The following ADGB variants were observed in gnomAD, a reference collection of about 807,000 sequenced individuals.
ADGB encodes the protein androglobin, also known as calpain-7-like protein.
ADGB carries 172 observed loss-of-function variants against 210.5 expected under a neutral mutation model. The observed-to-expected ratio is 0.82, with a 90% CI of 0.72 to 0.93. ADGB has a LOEUF of 0.93. ADGB is among the 40% of genes least tolerant of loss of function. The pLI is 0.00. For missense variants in ADGB, 2,025 were observed against 1,964.8 expected, an observed-to-expected ratio of 1.03 and a Z score of -0.58; for synonymous variants, 658 against 662.7, an observed-to-expected ratio of 0.99 and a Z score of 0.11.
chr6:146,634,494 T>C (rs772980912), intron 1 of ADGB, among the ~76,000 whole-genome samples: 1 of 152,084 alleles, frequency 6.6e-6, no homozygotes, highest in Non-Finnish European at 1.5e-5. Context: ...TCACAAGGCG[T>C]TAAAAACTTG....
At chr6:146,780,240 A>G (rs1225076262) in intron 29 of ADGB, among the ~76,000 whole-genome samples, 1 of 152,166 alleles carries the variant, frequency 6.6e-6, no homozygotes, top group Non-Finnish European at 1.5e-5. Context: ...ATCTATACAA[A>G]CAAATAAAAA....
intron 11 of ADGB, among the ~76,000 whole-genome samples, chr6:146,692,422 T>C (rs1380358000): frequency 6.6e-6 from 1 of 152,188 alleles, no homozygotes; most frequent in Non-Finnish European, 1.5e-5. Context: ...TATTCATATG[T>C]TAGTTCACAT....
Position 146,736,491 on chromosome 6 carries a change from T to C in ADGB, c.2795-7T>C. The C allele has an allele frequency of 6.7e-7, 1 of 1,500,434 alleles. No homozygotes were observed. The highest frequency in any genetic ancestry group is 9.0e-7 in the Non-Finnish European group (1 of 1,115,476). The allele number at this position is 1,500,434 out of a possible 1,614,324, so 92.9% of individuals were successfully genotyped here. On this transcript the variant is annotated splice_polypyrimidine_tract_variant and splice_region_variant and intron_variant, in intron 22 of 35. Coordinates refer to ENST00000397944, the MANE Select transcript of ADGB (RefSeq NM_024694.4). ...TTAACGTTTTTATTATTTATTATTA[T>C]TTTTAGACACAAAAGAAAATATCAG...
At chr6:146,664,369 A>G in intron 6 of ADGB, 29 bp downstream of exon 6, 1 of 1,515,454 alleles carries the variant, frequency 6.6e-7, no homozygotes, top group Non-Finnish European at 8.8e-7. Context: ...ACTCACATGA[A>G]TAAAAAAAGC....
Position 146,763,432 on chromosome 6 carries a change from T to C in ADGB, c.3551-469T>C, listed in dbSNP as rs558529143. ...CAGCAGTACTTATATGATCTGTTAATTAGAAAATAATTGAAAATAAAAATT... is the reference window on the plus strand; with the variant it reads ...CAGCAGTACTTATATGATCTGTTAACTAGAAAATAATTGAAAATAAAAATT... On this transcript the variant is annotated intron_variant, in intron 27 of 35. Transcript: ENST00000397944. Among the ~76,000 whole-genome samples, 14 of 152,328 alleles carry C rather than the reference T, an allele frequency of 9.2e-5. No individual in the cohort carries two copies. The East Asian group carries it at 2.7e-3, about 29-fold the overall frequency.
chr6:146,712,154 T>C (rs530589800), intron 13 of ADGB, among the ~76,000 whole-genome samples: 17 of 151,834 alleles, frequency 1.1e-4, no homozygotes, highest in African/African-American at 3.9e-4. Flanking sequence ...GAAATTTCAT[T>C]ATCATTGGCC....
chr6:146,650,348 C>A (rs1359231815), intron 3 of ADGB, among the ~76,000 whole-genome samples: 1 of 151,842 alleles, frequency 6.6e-6, no homozygotes, highest in Admixed American at 6.6e-5. Flanking sequence ...ACAGCAGATT[C>A]AAAACAGGCA....
intron 13 of ADGB, among the ~76,000 whole-genome samples, chr6:146,706,610 G>T (rs1025716317): frequency 2.0e-5 from 3 of 151,908 alleles, no homozygotes; most frequent in Non-Finnish European, 4.4e-5. Context: ...TATTTTTTAT[G>T]ATTCAGTCTT....
rs1245966818 is a variant in ADGB, at chr6:146,715,421, T to C, written c.1741+6T>C. 8 of 1,494,420 alleles carry C rather than the reference T, an allele frequency of 5.4e-6. No homozygotes were observed. Among genetic ancestry groups the C allele is most frequent in the Non-Finnish European group, 7.1e-6 (8 of 1,121,076 alleles). 92.6% of individuals were successfully genotyped at this position (1,494,420 alleles called of 1,614,324 possible). A position where few individuals can be genotyped will look rare whatever the true frequency, so the allele number is the denominator to read the frequency against. Reference sequence around the variant, plus strand: ...ACAAGTTATACTTGGAAAAGGTAAATTAATAATTTTCCTGTGACTTTTTTC... The same window carrying C: ...ACAAGTTATACTTGGAAAAGGTAAACTAATAATTTTCCTGTGACTTTTTTC... On this transcript the variant is annotated splice_donor_region_variant and intron_variant, in intron 14 of 35. Coordinates refer to ENST00000397944, the MANE Select transcript of ADGB (RefSeq NM_024694.4).
At chr6:146,759,936 T>G (rs1777461611) in intron 27 of ADGB, among the ~76,000 whole-genome samples, 1 of 151,858 alleles carries the variant, frequency 6.6e-6, no homozygotes. Context: ...TTAAGTGCTT[T>G]CCCATTTTTT....
intron 5 of ADGB, among the ~76,000 whole-genome samples, chr6:146,661,860 A>G (rs1263875193): frequency 2.0e-5 from 3 of 151,952 alleles, no homozygotes; most frequent in African/African-American, 4.8e-5. Flanking sequence ...CCTAAAGAAT[A>G]TTTTCCCTAG....
At chr6:146,691,464 A>T (rs1395234527) in intron 11 of ADGB, among the ~76,000 whole-genome samples, 174 bp downstream of exon 11, 1 of 15,072 alleles carries the variant, frequency 6.6e-5, no homozygotes, top group African/African-American at 5.4e-4. Context: ...ATATAAAAAT[A>T]TATATATATA....
chr6:146,698,049 T>G (rs1237908944), intron 12 of ADGB, among the ~76,000 whole-genome samples: 1 of 152,126 alleles, frequency 6.6e-6, no homozygotes, highest in Admixed American at 6.6e-5. Context: ...AAAAGCAATA[T>G]ATGGTGTTGG....
At chr6:146,774,216 T>C (rs905614581) in intron 29 of ADGB, among the ~76,000 whole-genome samples, 8 of 152,184 alleles carry the variant, frequency 5.3e-5, no homozygotes, top group Admixed American at 5.2e-4. Flanking sequence ...ATTAAGATTC[T>C]AGTGGAAAAC....
Position 146,784,135 on chromosome 6 carries a change from C to T in ADGB, c.4036-483C>T, listed in dbSNP as rs565171307. Among the ~76,000 whole-genome samples, 10 of 152,204 alleles carry T rather than the reference C, an allele frequency of 6.6e-5. No individual in the cohort carries two copies. The East Asian group carries it at 1.7e-3, about 26-fold the overall frequency. Reference sequence around the variant, plus strand: ...CAAGATATAAATTATAGATAATTCCCGAGTTTATGGAAATAATCTCAAACT... The same window carrying T: ...CAAGATATAAATTATAGATAATTCCTGAGTTTATGGAAATAATCTCAAACT... On this transcript the variant is annotated intron_variant, in intron 30 of 35. Coordinates refer to ENST00000397944, the MANE Select transcript of ADGB (RefSeq NM_024694.4).
intron 1 of ADGB, among the ~76,000 whole-genome samples, chr6:146,623,291 A>G (rs974840167): frequency 2.6e-5 from 4 of 151,962 alleles, no homozygotes; most frequent in Non-Finnish European, 2.9e-5. Context: ...TGTCTTAACT[A>G]TATTGAATCT....
At chr6:146,805,009 G>A (rs259387) in intron 35 of ADGB, among the ~76,000 whole-genome samples, 36,053 of 152,048 alleles carry the variant, frequency 0.24, 4,709 homozygotes, top group African/African-American at 0.33. Context: ...AACTTTACAG[G>A]CCTTAGTTCA....
rs537482049 is a variant in ADGB, at chr6:146,741,446, AGTGC to A, written c.3177+176_3177+179del. Among the ~76,000 whole-genome samples the A allele has an allele frequency of 4.8e-3, 728 of 152,310 alleles. 7 individuals are homozygous for A. The highest frequency in any genetic ancestry group is 0.016 in the African/African-American group (681 of 41,558). ...TTAACAGTAGGAGATATTAAATGTAAGTGCTAAAGCATTCTTTACCTCTCAACGC... is the reference window on the plus strand; with the variant it reads ...TTAACAGTAGGAGATATTAAATGTAATAAAGCATTCTTTACCTCTCAACGC... On this transcript the variant is annotated intron_variant, in intron 25 of 35. Transcript: ENST00000397944.
intron 1 of ADGB, among the ~76,000 whole-genome samples, chr6:146,604,260 C>G (rs537065224): frequency 6.6e-6 from 1 of 152,148 alleles, no homozygotes; most frequent in Admixed American, 6.5e-5. Flanking sequence ...ACAGGAAGTC[C>G]CTTGCCCTCC....
Sources: gnomAD v4.1 joint callset for allele counts (sites outside exome capture counted in the v4.1 genomes callset) on GRCh38, gnomAD v4.1.1 for gene constraint, MANE v1.5 for transcripts, NCBI Gene and HGNC (gene_info 2026-07-23, HGNC 2026-07-21) for gene names.